Variants in VDAC1 observed in about 807,000 individuals in gnomAD.
VDAC1 encodes voltage dependent anion channel 1.
In VDAC1, 10 loss-of-function variants were observed where a neutral mutation model predicts 34.7. That is an observed-to-expected ratio of 0.29 (90% CI 0.18 to 0.49). The LOEUF (loss-of-function observed/expected upper bound fraction) is 0.49. VDAC1 is among the 20% of genes least tolerant of loss of function. The pLI is 0.99. For synonymous variants in VDAC1, 130 were observed against 136.0 expected (o/e 0.96, Z 0.30); for missense variants, 230 against 347.9 (o/e 0.66, Z 2.69).
chr5:134,027,173 G>A, the VDAC1 span, among the ~76,000 whole-genome samples: 1 of 152,186 alleles, frequency 6.6e-6, no homozygotes, highest in Non-Finnish European at 1.5e-5. Context: ...TGATGAGGTT[G>A]AGAAACACTG....
At chr5:134,074,237 G>A in the VDAC1 span, among the ~76,000 whole-genome samples, 3 of 151,744 alleles carry the variant, frequency 2.0e-5, no homozygotes, top group African/African-American at 4.8e-5. Context: ...GCATGAACCC[G>A]GGAGGCAGAG....
At chr5:134,067,687 GGAGGGAGAGGGA>G in the VDAC1 span, among the ~76,000 whole-genome samples, 1 of 147,096 alleles carries the variant, frequency 6.8e-6, no homozygotes. Flanking sequence ...GAGGAGAGGG[GGAGGGAGAGGGA>G]GAGGGAGAAG....
chr5:134,055,606 T>G, the VDAC1 span, among the ~76,000 whole-genome samples: 730 of 139,530 alleles, frequency 5.2e-3, 19 homozygotes, highest in African/African-American at 0.019. Context: ...TTTTTTTTTT[T>G]TTTTTTTTTT....
the VDAC1 span, among the ~76,000 whole-genome samples, chr5:134,077,088 G>A: frequency 6.6e-6 from 1 of 152,052 alleles, no homozygotes; most frequent in African/African-American, 2.4e-5. Context: ...AGACCAGTCT[G>A]ACCAACATGG....
In VDAC1 at chr5:133,989,963, A is replaced by C. The variant is rs1319772324; in HGVS notation, c.323+892T>G. On this transcript the variant is annotated intron_variant, in intron 5 of 8. Transcript: ENST00000265333. ...AGGCGTGAGCCACCACGCCCGGCCC[A>C]CAATTTTTAAAAACTGAAATTCAGT... Among the ~76,000 whole-genome samples, 5 of 152,330 alleles carry C rather than the reference A, an allele frequency of 3.3e-5. No individual in the cohort carries two copies. In the South Asian group the frequency reaches 1.0e-3, roughly 32 times the overall value.
chr5:134,099,174 G>A, the VDAC1 span, among the ~76,000 whole-genome samples: 1 of 152,152 alleles, frequency 6.6e-6, no homozygotes, highest in Admixed American at 6.5e-5. Flanking sequence ...GCTTCAGGTC[G>A]AGCACAGACT....
chr5:134,085,932 CCTGT>C, the VDAC1 span, among the ~76,000 whole-genome samples: 31 of 152,088 alleles, frequency 2.0e-4, 1 homozygote, highest in South Asian at 6.4e-3. Context: ...GTGGCTCATG[CCTGT>C]AATCCCACCA....
chr5:134,004,261 G>A (rs988864139), intron 1 of VDAC1, among the ~76,000 whole-genome samples: 5 of 151,964 alleles, frequency 3.3e-5, no homozygotes, highest in African/African-American at 1.2e-4. Context: ...ACGGGTCCCC[G>A]CCGGATGCAC....
chr5:134,021,819 G>A, the VDAC1 span, among the ~76,000 whole-genome samples: 1 of 151,580 alleles, frequency 6.6e-6, no homozygotes, highest in Non-Finnish European at 1.5e-5. Context: ...GCTGGCACCT[G>A]TATTTTTCAC....
At chr5:133,980,694 A>ACCCCCCCCCCCC in intron 6 of VDAC1, 35 bp downstream of exon 6, 1 of 221,588 alleles carries the variant, frequency 4.5e-6, no homozygotes, top group Non-Finnish European at 9.0e-6. Context: ...CTCCAACCCC[A>ACCCCCCCCCCCC]CCCCTCCCAC....
the VDAC1 span, among the ~76,000 whole-genome samples, chr5:134,037,385 G>A: frequency 6.6e-6 from 1 of 152,128 alleles, no homozygotes; most frequent in Admixed American, 6.6e-5. Flanking sequence ...TGCTAAACTG[G>A]TCACTCTGAC....
chr5:134,109,770 C>CAAAAAAAAAAAAAAAAAAAAAAA, the VDAC1 span, among the ~76,000 whole-genome samples: 12 of 140,312 alleles, frequency 8.6e-5, no homozygotes, highest in African/African-American at 3.1e-4. Context: ...GGCTCCATCT[C>CAAAAAAAAAAAAAAAAAAAAAAA]AAAAAAAAAA....
At chr5:133,981,025 T>G in intron 5 of VDAC1, 69 bp from the exon 6 acceptor site, 2 of 1,439,930 alleles carry the variant, frequency 1.4e-6, no homozygotes, top group Non-Finnish European at 1.9e-6. Flanking sequence ...TCTTTTTTTT[T>G]TTTTTAATCC....
the VDAC1 span, among the ~76,000 whole-genome samples, chr5:134,092,330 C>CA: frequency 1.3e-5 from 2 of 152,258 alleles, no homozygotes; most frequent in African/African-American, 4.8e-5. Flanking sequence ...CACTTCAAAA[C>CA]AAAAAAATTA....
At chr5:134,031,445 C>G in the VDAC1 span, among the ~76,000 whole-genome samples, 1 of 152,108 alleles carries the variant, frequency 6.6e-6, no homozygotes, top group African/African-American at 2.4e-5. Context: ...GGGAAATTAT[C>G]CCAGGAGGCC....
chr5:133,982,466 C>T (rs1246043038), intron 5 of VDAC1, among the ~76,000 whole-genome samples: 5 of 149,682 alleles, frequency 3.3e-5, no homozygotes, highest in Admixed American at 1.3e-4. Context: ...GAGCCGAGAT[C>T]GCGCCACTGC....
the VDAC1 span, among the ~76,000 whole-genome samples, chr5:134,063,400 C>A: frequency 6.6e-6 from 1 of 152,196 alleles, no homozygotes; most frequent in East Asian, 1.9e-4. Flanking sequence ...CCATCCCTGT[C>A]TCTATCCCTG....
the VDAC1 span, among the ~76,000 whole-genome samples, chr5:134,070,089 G>A: frequency 6.6e-6 from 1 of 152,088 alleles, no homozygotes; most frequent in Admixed American, 6.6e-5. Flanking sequence ...ATACAAATGG[G>A]CAACCAGCAG....
chr5:134,001,965 C>T (rs1200897220), intron 1 of VDAC1, among the ~76,000 whole-genome samples: 1 of 152,144 alleles, frequency 6.6e-6, no homozygotes, highest in Non-Finnish European at 1.5e-5. Context: ...TTCTCAGTGG[C>T]TACCACAGGA....
Sources: allele counts gnomAD v4.1 joint callset (sites outside exome capture counted in the v4.1 genomes callset), GRCh38; gene constraint gnomAD v4.1.1; transcripts MANE v1.5; gene names NCBI Gene and HGNC (gene_info 2026-07-23, HGNC 2026-07-21).